Variants in TENM3 observed in about 807,000 individuals in gnomAD.
TENM3 encodes teneurin transmembrane protein 3.
Under a neutral mutation model 255.1 loss-of-function variants are expected in TENM3, and 63 were observed. That is an observed-to-expected ratio of 0.25 (90% CI 0.20 to 0.30). The LOEUF (loss-of-function observed/expected upper bound fraction) is 0.30, where lower values mean the gene tolerates loss of function less well. Among genes scored for constraint, TENM3 ranks in the 10% least tolerant of loss-of-function variants. TENM3 has a pLI of 1.00. For missense variants in TENM3, 2,929 were observed against 3,461.1 expected, an observed-to-expected ratio of 0.85 and a Z score of 3.86; for synonymous variants, 1,306 against 1,322.3, an observed-to-expected ratio of 0.99 and a Z score of 0.27.
rs1766157200 is a variant in TENM3, at chr4:182,792,171, T to A, written c.5602-103T>A. On this transcript the variant is annotated intron_variant, in intron 25 of 27. Coordinates refer to ENST00000511685, the MANE Select transcript of TENM3 (RefSeq NM_001080477.4). The surrounding 1 kb of genome is among the most constrained non-coding windows in gnomAD (Gnocchi z 6.3). Reference sequence around the variant, plus strand: ...AAGGATAACTCAATTAAAATGAAAATCATTTTCTCTAGTGGAATGTTTCTG... The same window carrying A: ...AAGGATAACTCAATTAAAATGAAAAACATTTTCTCTAGTGGAATGTTTCTG... 2 of 1,089,330 alleles carry A rather than the reference T, an allele frequency of 1.8e-6. No homozygotes were observed. Among genetic ancestry groups the A allele is most frequent in the Admixed American group, 4.6e-5 (2 of 43,266 alleles). The allele number at this position is 1,089,330 out of a possible 1,614,324, so 67.5% of individuals were successfully genotyped here.
At chr4:181,808,687 A>G in the TENM3 span, among the ~76,000 whole-genome samples, 1 of 152,328 alleles carries the variant, frequency 6.6e-6, no homozygotes, top group African/African-American at 2.4e-5. Context: ...CCAGCGAGCA[A>G]GTGAGCAGCT....
the TENM3 span, among the ~76,000 whole-genome samples, chr4:181,512,851 C>T: frequency 6.6e-6 from 1 of 152,174 alleles, no homozygotes; most frequent in African/African-American, 2.4e-5. Context: ...AGATTAGAAA[C>T]AGCCCAGAAT....
At chr4:181,566,274 T>G in the TENM3 span, among the ~76,000 whole-genome samples, 1 of 152,170 alleles carries the variant, frequency 6.6e-6, no homozygotes, top group African/African-American at 2.4e-5. Context: ...TAATATGCAA[T>G]CAAACTAGTG....
intron 1 of TENM3, among the ~76,000 whole-genome samples, chr4:182,248,417 C>T (rs111982956): frequency 8.5e-5 from 13 of 152,200 alleles, no homozygotes; most frequent in African/African-American, 3.1e-4. Flanking sequence ...TGATCAAAGG[C>T]ATTATTGTAC....
chr4:181,821,085 G>T, the TENM3 span, among the ~76,000 whole-genome samples: 1 of 152,162 alleles, frequency 6.6e-6, no homozygotes, highest in Admixed American at 6.5e-5. Context: ...GCCCACTATG[G>T]ATGGCAGTGC....
chr4:182,755,795 G>A lies in TENM3; in HGVS notation c.4892+536G>A, dbSNP rs370142567. Among the ~76,000 whole-genome samples, 280 of 152,094 alleles carry A rather than the reference G, an allele frequency of 1.8e-3. 1 individual carries two copies. The highest frequency in any genetic ancestry group is 7.5e-3 in the South Asian group (36 of 4,814). Reference sequence around the variant, plus strand: ...GCGCAGCTTGCAGTGAGCCGAGATCGCGCCACTGCACTCCAGTCTCTGGGC... The same window carrying A: ...GCGCAGCTTGCAGTGAGCCGAGATCACGCCACTGCACTCCAGTCTCTGGGC... On this transcript the variant is annotated intron_variant, in intron 22 of 27. Transcript: ENST00000511685.
At chr4:182,451,845 T>C (rs1773487987) in intron 3 of TENM3, among the ~76,000 whole-genome samples, 1 of 152,222 alleles carries the variant, frequency 6.6e-6, no homozygotes, top group African/African-American at 2.4e-5. Flanking sequence ...CAGTTCTTTA[T>C]GTTTATAATT....
chr4:182,362,100 G>T (rs1177892004), intron 3 of TENM3, among the ~76,000 whole-genome samples: 1 of 152,108 alleles, frequency 6.6e-6, no homozygotes, highest in Non-Finnish European at 1.5e-5. Flanking sequence ...AGGAGTACCC[G>T]GCCGTTTGAG....
At chr4:181,470,069 C>T in the TENM3 span, among the ~76,000 whole-genome samples, 1 of 125,850 alleles carries the variant, frequency 7.9e-6, no homozygotes, top group Non-Finnish European at 1.6e-5. Flanking sequence ...ATTCACAGTG[C>T]AAGATTTGCT....
chr4:182,793,442 C>G lies in TENM3; in HGVS notation c.6770C>G (p.Thr2257Ser). The change falls in exon 26 of 28, where the codon ACT becomes AGT. Residue 2257 changes from threonine (T) to serine (S), a missense_variant. Coordinates refer to ENST00000511685, the MANE Select transcript of TENM3 (RefSeq NM_001080477.4). The surrounding 1 kb of genome is among the most constrained non-coding windows in gnomAD (Gnocchi z 5.7). ...TTTTATGCTGACTTAACTTATCCCA[C>G]TAGGATTACTCATGTCTACAACCAT... ...QFFYADLTYP[T>S]RITHVYNHSS... The G allele has an allele frequency of 1.2e-6, 2 of 1,613,886 alleles. No individual in the cohort carries two copies. Among genetic ancestry groups the G allele is most frequent in the Non-Finnish European group, 1.7e-6 (2 of 1,179,854 alleles).
chr4:182,672,960 TTTTA>T, intron 6 of TENM3, 41 bp from the exon 7 acceptor site: 1 of 1,382,590 alleles, frequency 7.2e-7, no homozygotes, highest in South Asian at 1.4e-5. Context: ...TGTTTTGTTT[TTTTA>T]AAAAAAATTT....
the TENM3 span, among the ~76,000 whole-genome samples, chr4:182,127,943 A>T: frequency 6.6e-6 from 1 of 152,214 alleles, no homozygotes; most frequent in Non-Finnish European, 1.5e-5. Flanking sequence ...ATATAAATTC[A>T]GCAGGATGTG....
At chr4:181,611,406 G>A in the TENM3 span, among the ~76,000 whole-genome samples, 1 of 152,064 alleles carries the variant, frequency 6.6e-6, no homozygotes, top group African/African-American at 2.4e-5. Flanking sequence ...ACCCTGTCCC[G>A]TCATGTTGTC....
intron 3 of TENM3, among the ~76,000 whole-genome samples, chr4:182,539,085 A>G (rs1372572249): frequency 1.3e-5 from 2 of 151,548 alleles, no homozygotes; most frequent in Non-Finnish European, 1.5e-5. Flanking sequence ...CTTAAGAAAA[A>G]AAGCATAGAT....
At chr4:182,136,152 A>G in the TENM3 span, among the ~76,000 whole-genome samples, 1 of 149,780 alleles carries the variant, frequency 6.7e-6, no homozygotes, top group East Asian at 1.9e-4. Flanking sequence ...GCTGGTATGG[A>G]AAAAAAAAAC....
chr4:181,714,594 A>G, the TENM3 span, among the ~76,000 whole-genome samples: 2 of 152,202 alleles, frequency 1.3e-5, no homozygotes, highest in African/African-American at 2.4e-5. Flanking sequence ...TGTGACCAGT[A>G]TATATTTTCT....
At chr4:182,190,575 C>G (rs1753451814) in intron 1 of TENM3, among the ~76,000 whole-genome samples, 1 of 152,166 alleles carries the variant, frequency 6.6e-6, no homozygotes, top group Non-Finnish European at 1.5e-5. Flanking sequence ...ACTCCCATGA[C>G]AATTAACAGA....
At chr4:181,921,061 TC>T in the TENM3 span, among the ~76,000 whole-genome samples, 2 of 152,202 alleles carry the variant, frequency 1.3e-5, no homozygotes, top group Admixed American at 6.5e-5. Flanking sequence ...TGGCGTTATT[TC>T]TGAGGGCTCT....
chr4:181,810,741 G>T, the TENM3 span, among the ~76,000 whole-genome samples: 4 of 152,184 alleles, frequency 2.6e-5, no homozygotes, highest in East Asian at 7.8e-4. Context: ...AGTGGGCCTT[G>T]AAGAAGGGAC....
Sources: gnomAD v4.1 joint callset for allele counts (sites outside exome capture counted in the v4.1 genomes callset) on GRCh38, gnomAD v4.1.1 for gene constraint, Gnocchi (gnomAD v3.1) non-coding constraint, MANE v1.5 for transcripts, NCBI Gene and HGNC (gene_info 2026-07-23, HGNC 2026-07-21) for gene names.